Variants in BCL2 observed in about 807,000 individuals in gnomAD.
BCL2 encodes BCL2 apoptosis regulator.
In BCL2, 1 loss-of-function variant was observed where a neutral mutation model predicts 14.2. That is an observed-to-expected ratio of 0.07 (90% CI 0.02 to 0.33). BCL2 has a LOEUF of 0.33. Ranked by LOEUF, BCL2 falls within the 10% of genes least tolerant of loss-of-function variation. BCL2 has a pLI of 0.99. For missense variants in BCL2, 247 were observed against 305.9 expected, an observed-to-expected ratio of 0.81 and a Z score of 1.44; for synonymous variants, 151 against 137.2, an observed-to-expected ratio of 1.10 and a Z score of -0.70.
intron 2 of BCL2, among the ~76,000 whole-genome samples, chr18:63,181,503 C>T (rs773218473): frequency 3.9e-5 from 6 of 152,210 alleles, no homozygotes; most frequent in Non-Finnish European, 7.3e-5. Flanking sequence ...TGCCTGGACC[C>T]GTCAGTGAGC....
At chr18:63,197,156 T>C (rs940417588) in intron 2 of BCL2, among the ~76,000 whole-genome samples, 1 of 152,188 alleles carries the variant, frequency 6.6e-6, no homozygotes, top group African/African-American at 2.4e-5. Context: ...CAAACACACA[T>C]GGGTGGAAAT....
Position 63,174,455 on chromosome 18 carries a change from G to A in BCL2, c.586-45696C>T, listed in dbSNP as rs187728606. Among the ~76,000 whole-genome samples the A allele has an allele frequency of 2.0e-3, 297 of 151,912 alleles. 1 individual carries two copies. The highest frequency in any genetic ancestry group is 3.7e-3 in the Admixed American group (57 of 15,270). ...CTGTCAATTTACAACCTAGTCTAAT[G>A]TTAAACACCAACTCATACTTGTCTT... On this transcript the variant is annotated intron_variant, in intron 2 of 2. Transcript: ENST00000333681.
intron 2 of BCL2, among the ~76,000 whole-genome samples, chr18:63,281,798 A>G (rs1028414005): frequency 1.3e-5 from 2 of 152,270 alleles, no homozygotes; most frequent in African/African-American, 4.8e-5. Flanking sequence ...ATTGTAAGAC[A>G]TCTCCACACA....
At chr18:63,241,928 G>T (rs1243168284) in intron 2 of BCL2, among the ~76,000 whole-genome samples, 9 of 152,214 alleles carry the variant, frequency 5.9e-5, no homozygotes, top group Non-Finnish European at 1.3e-4. Flanking sequence ...AAAGTCCTAG[G>T]TCAATTGCTT....
chr18:63,129,988 C>A (rs1185412347), intron 2 of BCL2, among the ~76,000 whole-genome samples: 34 of 152,146 alleles, frequency 2.2e-4, no homozygotes, highest in Admixed American at 2.2e-3. Context: ...CCCTGAGAGA[C>A]AAAAAGTGTC....
chr18:63,264,212 A>G (rs1911750965), intron 2 of BCL2, among the ~76,000 whole-genome samples: 1 of 152,210 alleles, frequency 6.6e-6, no homozygotes, highest in Non-Finnish European at 1.5e-5. Context: ...AAAATTTTTT[A>G]AAGAACAACA....
Position 63,149,117 on chromosome 18 carries a change from G to T in BCL2, c.586-20358C>A, listed in dbSNP as rs562380782. ...CTCTTTGATAACGTTTACATTATGA[G>T]AAAAGAATCAAGCTCATTTATGTCA... On this transcript the variant is annotated intron_variant, in intron 2 of 2. Transcript: ENST00000333681. The surrounding 1 kb of genome is among the most constrained non-coding windows in gnomAD (Gnocchi z 4.2). 5.3e-5 allele frequency among the ~76,000 whole-genome samples: 8 copies of T among 152,338 alleles called. No homozygotes were observed. The East Asian group carries it at 1.5e-3, about 29-fold the overall frequency.
intron 2 of BCL2, among the ~76,000 whole-genome samples, chr18:63,135,082 G>A (rs1333516605): frequency 6.6e-6 from 1 of 152,200 alleles, no homozygotes; most frequent in Admixed American, 6.5e-5. Context: ...AATAGGTGAG[G>A]TGAGTGAAAC....
intron 2 of BCL2, among the ~76,000 whole-genome samples, chr18:63,272,595 G>C (rs1037689929): frequency 6.6e-6 from 1 of 152,202 alleles, no homozygotes; most frequent in East Asian, 1.9e-4. Flanking sequence ...TGGCCAATCA[G>C]GTTATCTTTA....
Position 63,139,396 on chromosome 18 carries a change from C to A in BCL2, c.586-10637G>T, listed in dbSNP as rs562130821. On this transcript the variant is annotated intron_variant, in intron 2 of 2. Coordinates refer to ENST00000333681, the MANE Select transcript of BCL2 (RefSeq NM_000633.3). ...TATGACCTTGAAATCTCATCTTCAGCGGGCTTATTCATTCAGTAACCAAAC... is the reference window on the plus strand; with the variant it reads ...TATGACCTTGAAATCTCATCTTCAGAGGGCTTATTCATTCAGTAACCAAAC... Among the ~76,000 whole-genome samples, 12 of 152,346 alleles carry A rather than the reference C, an allele frequency of 7.9e-5. No individual in the cohort carries two copies. The South Asian group carries it at 2.3e-3, about 29-fold the overall frequency.
chr18:63,274,263 T>C (rs1912084912), intron 2 of BCL2, among the ~76,000 whole-genome samples: 2 of 151,258 alleles, frequency 1.3e-5, no homozygotes, highest in Non-Finnish European at 2.9e-5. Context: ...GAGTCAAGCT[T>C]TTATAAAGAT....
intron 2 of BCL2, among the ~76,000 whole-genome samples, chr18:63,292,279 G>A (rs566279391): frequency 6.6e-6 from 1 of 151,754 alleles, no homozygotes; most frequent in South Asian, 2.1e-4. Flanking sequence ...ATATGTGCAG[G>A]GTTATTACTC....
intron 2 of BCL2, among the ~76,000 whole-genome samples, chr18:63,221,443 A>G (rs1910388868): frequency 6.6e-6 from 1 of 152,228 alleles, no homozygotes; most frequent in Non-Finnish European, 1.5e-5. Flanking sequence ...AAGGAAGGAA[A>G]AGGGGGATAG....
chr18:63,256,467 T>C (rs1407408441), intron 2 of BCL2, among the ~76,000 whole-genome samples: 1 of 152,226 alleles, frequency 6.6e-6, no homozygotes, highest in Non-Finnish European at 1.5e-5. Context: ...TCTGCCCGCC[T>C]TGACCTCCCA....
intron 2 of BCL2, among the ~76,000 whole-genome samples, chr18:63,157,970 A>G (rs1914825505): frequency 6.6e-6 from 1 of 152,010 alleles, no homozygotes; most frequent in Non-Finnish European, 1.5e-5. Context: ...TCTGAAGCCA[A>G]AATTAGAACA....
intron 2 of BCL2, among the ~76,000 whole-genome samples, chr18:63,175,222 G>A (rs890038312): frequency 6.6e-6 from 1 of 152,146 alleles, no homozygotes; most frequent in African/African-American, 2.4e-5. Context: ...TAACTTCTTT[G>A]TTGACCCTCA....
intron 2 of BCL2, among the ~76,000 whole-genome samples, chr18:63,219,704 T>C (rs74907094): frequency 0.024 from 3,714 of 152,278 alleles, 64 homozygotes; most frequent in Non-Finnish European, 0.038. Context: ...GATGAGGGCC[T>C]ACTATGTACA....
At chr18:63,239,100 G>A (rs1910922789) in intron 2 of BCL2, among the ~76,000 whole-genome samples, 1 of 152,168 alleles carries the variant, frequency 6.6e-6, no homozygotes, top group Non-Finnish European at 1.5e-5. Flanking sequence ...TCCTTCAGTA[G>A]CTTTCTCACC....
At chr18:63,258,459 A>AT (rs985882381) in intron 2 of BCL2, among the ~76,000 whole-genome samples, 36 of 152,268 alleles carry the variant, frequency 2.4e-4, no homozygotes, top group African/African-American at 8.7e-4. Context: ...CAGGGCTGTT[A>AT]TTTTTTATTA....
Sources: allele counts gnomAD v4.1 joint callset (sites outside exome capture counted in the v4.1 genomes callset), GRCh38; gene constraint gnomAD v4.1.1; non-coding constraint Gnocchi (gnomAD v3.1); transcripts MANE v1.5; gene names NCBI Gene and HGNC (gene_info 2026-07-23, HGNC 2026-07-21).